The following TASP1 variants were observed in gnomAD, a reference collection of about 807,000 sequenced individuals.
TASP1 encodes the protein taspase 1.
Under a neutral mutation model 56.6 loss-of-function variants are expected in TASP1, and 16 were observed. The observed-to-expected ratio is 0.28, with a 90% CI of 0.19 to 0.43. The LOEUF is 0.43. Ranked by LOEUF, TASP1 falls within the 20% of genes least tolerant of loss-of-function variation. TASP1 has a pLI of 1.00. For missense variants in TASP1, 393 were observed against 511.6 expected (o/e 0.77, Z 2.24); for synonymous variants, 179 against 184.2 (o/e 0.97, Z 0.23).
the TASP1 span, among the ~76,000 whole-genome samples, chr20:13,182,750 TAATA>T: frequency 2.6e-4 from 40 of 152,206 alleles, no homozygotes; most frequent in Non-Finnish European, 4.8e-4. Flanking sequence ...CAGCAGAAAT[TAATA>T]AATGAATGAG....
chr20:13,458,349 G>A (rs1232336445), intron 11 of TASP1, among the ~76,000 whole-genome samples: 5 of 152,100 alleles, frequency 3.3e-5, no homozygotes, highest in African/African-American at 4.8e-5. Flanking sequence ...TGTTGTTTTC[G>A]TTTGTTTGTT....
chr20:13,516,516 T>C (rs1444016484), intron 10 of TASP1, among the ~76,000 whole-genome samples: 1 of 152,040 alleles, frequency 6.6e-6, no homozygotes, highest in African/African-American at 2.4e-5. Flanking sequence ...GTTGCTCAAC[T>C]TACCCCCTCT....
the TASP1 span, among the ~76,000 whole-genome samples, chr20:13,196,613 A>G: frequency 6.6e-6 from 1 of 152,220 alleles, no homozygotes. Context: ...CTGGATTTTG[A>G]AGGCTTAATA....
chr20:13,323,025 C>A, the TASP1 span, among the ~76,000 whole-genome samples: 1 of 152,120 alleles, frequency 6.6e-6, no homozygotes, highest in Non-Finnish European at 1.5e-5. Context: ...TCCTTCCTGA[C>A]TTCCAGAACA....
chr20:13,282,333 G>A, the TASP1 span, among the ~76,000 whole-genome samples: 1 of 152,186 alleles, frequency 6.6e-6, no homozygotes, highest in Non-Finnish European at 1.5e-5. Flanking sequence ...GGAGTCTGTT[G>A]TTTGCATCTT....
At position 13,545,761 on chromosome 20, in the gene TASP1, C is replaced by T. The variant is rs2045786014; in HGVS notation, c.676-11620G>A. On this transcript the variant is annotated intron_variant, in intron 8 of 13. Transcript: ENST00000337743. ...ATTTAGGCTGCCTACCTGCCTGGCA[C>T]CCCTGGCTTCTGAGTTTGAAACCAC... Among the ~76,000 whole-genome samples, 3 of 152,154 alleles carry T rather than the reference C, an allele frequency of 2.0e-5. No individual in the cohort carries two copies. The South Asian group carries it at 6.2e-4, about 32-fold the overall frequency.
chr20:13,147,630 T>C, the TASP1 span, among the ~76,000 whole-genome samples: 1 of 152,166 alleles, frequency 6.6e-6, no homozygotes, highest in Admixed American at 6.5e-5. Flanking sequence ...TTAATATCAA[T>C]TTGATTTTCC....
At chr20:13,321,253 T>TACAAAACAAA in the TASP1 span, among the ~76,000 whole-genome samples, 1 of 57,522 alleles carries the variant, frequency 1.7e-5, no homozygotes, top group Non-Finnish European at 3.2e-5. Context: ...GTGCCCCACA[T>TACAAAACAAA]AAAAAAAAAA....
intron 12 of TASP1, among the ~76,000 whole-genome samples, chr20:13,431,113 C>T (rs550165214): frequency 1.3e-5 from 2 of 151,858 alleles, no homozygotes; most frequent in African/African-American, 4.8e-5. Flanking sequence ...ATTAACAATA[C>T]ACAGCAGTTA....
chr20:13,458,582 C>G (rs2043934070), intron 11 of TASP1, among the ~76,000 whole-genome samples: 1 of 152,022 alleles, frequency 6.6e-6, no homozygotes, highest in Non-Finnish European at 1.5e-5. Context: ...CTTGGATGAT[C>G]CACCTGCCTC....
intron 11 of TASP1, among the ~76,000 whole-genome samples, chr20:13,454,614 G>A (rs1365230043): frequency 6.6e-6 from 1 of 152,176 alleles, no homozygotes; most frequent in East Asian, 1.9e-4. Context: ...ATGTGCGCAA[G>A]TGGTTACTAA....
At chr20:13,279,819 C>T in the TASP1 span, 3 of 1,614,048 alleles carry the variant, frequency 1.9e-6, no homozygotes, top group Non-Finnish European at 2.5e-6. Flanking sequence ...ACGACAGCAA[C>T]TTCCTCAACC....
intron 10 of TASP1, among the ~76,000 whole-genome samples, chr20:13,495,362 A>G (rs2043682725): frequency 6.6e-6 from 1 of 152,224 alleles, no homozygotes; most frequent in African/African-American, 2.4e-5. Flanking sequence ...AAAGTACCAT[A>G]GAAAAAAGTC....
chr20:13,270,741 C>G, the TASP1 span: 785 of 1,613,250 alleles, frequency 4.9e-4, 11 homozygotes, highest in East Asian at 0.016. Context: ...TCCAAATATC[C>G]AGGTAATTCT....
intron 11 of TASP1, among the ~76,000 whole-genome samples, chr20:13,463,535 A>C (rs548270646): frequency 6.6e-6 from 1 of 152,282 alleles, no homozygotes; most frequent in African/African-American, 2.4e-5. Flanking sequence ...TCAAAATTAA[A>C]ATTAAAAAGT....
At position 13,580,912 on chromosome 20, in the gene TASP1, C is replaced by T; in HGVS notation, c.473G>A (p.Gly158Asp). 6.2e-7 allele frequency: 1 copy of T among 1,613,082 alleles called. No individual in the cohort carries two copies. The change falls in exon 6 of 14, where the codon GGC (glycine) becomes GAC (aspartate). Residue 158 changes from glycine (G) to aspartate (D), a missense_variant. This residue lies in a region of TASP1 where 293 missense variants were observed against 354.2 expected (regional missense o/e 0.83). Transcript: ENST00000337743. The part of the protein sequence containing the change: ...CEGQKGKLSA[G>D]RIPPCFLVGE... ...AAGTGGTTACCAGGGAGGAATTCTG[C>T]CAGCCGAGAGCTTGCCCTTCTGCCC...
At position 13,625,232 on chromosome 20, in the gene TASP1, A is replaced by G; in HGVS notation, c.166T>C (p.Ser56Pro). The change falls in exon 3 of 14, where the codon TCC (serine) becomes CCC (proline). Residue 56 changes from serine to proline, a missense_variant. Ser to Pro is a moderately conservative substitution (Grantham distance 74). This residue lies in a region of TASP1 where 48 missense variants were observed against 106.2 expected (regional missense o/e 0.45). Coordinates refer to ENST00000337743, the MANE Select transcript of TASP1 (RefSeq NM_017714.3). ...VHAGAGYHSE[S>P]KAKEYKHVCK... The stretch of plus-strand genomic sequence containing the variant: ...ACATGTTTATACTCCTTGGCTTTGG[A>G]TTCAGAATGATAACCTGCACCTAAA... 1 of 1,610,602 alleles carries G rather than the reference A, an allele frequency of 6.2e-7. No individual in the cohort carries two copies. The highest frequency in any genetic ancestry group is 8.5e-7 in the Non-Finnish European group (1 of 1,178,906).
intron 11 of TASP1, among the ~76,000 whole-genome samples, chr20:13,473,773 A>C (rs2044612577): frequency 6.6e-6 from 1 of 152,136 alleles, no homozygotes; most frequent in Non-Finnish European, 1.5e-5. Flanking sequence ...ACTTCACCAC[A>C]TTAAGAGTTT....
intron 4 of TASP1, among the ~76,000 whole-genome samples, chr20:13,601,155 TGTAGTCCCAGCTATTGAG>T (rs1430843308): frequency 1.3e-5 from 2 of 151,950 alleles, no homozygotes; most frequent in African/African-American, 4.8e-5. Flanking sequence ...GGCAGGCACC[TGTAGTCCCAGCTATTGAG>T]CGGCTGAAGT....
Sources: gnomAD v4.1 joint callset for allele counts (sites outside exome capture counted in the v4.1 genomes callset) on GRCh38, gnomAD v4.1.1 for gene constraint, gnomAD v4.1.1 regional missense constraint, MANE v1.5 for transcripts, NCBI Gene and HGNC (gene_info 2026-07-23, HGNC 2026-07-21) for gene names.